CA13: variants seen among roughly 807,000 people sequenced by gnomAD.
The protein encoded by CA13 is CA-XIII.
A neutral mutation model predicts 31.5 loss-of-function variants in CA13; 21 were observed. That is an observed-to-expected ratio of 0.67 (90% CI 0.47 to 0.96). CA13 has a LOEUF of 0.96. CA13 is among the 40% of genes least tolerant of loss of function. The pLI is 0.00. For synonymous variants in CA13, 117 were observed against 111.4 expected (o/e 1.05, Z -0.32); for missense variants, 315 against 318.9 (o/e 0.99, Z 0.09).
chr8:85,277,552 G>A (rs1022852641), intron 6 of CA13, among the ~76,000 whole-genome samples: 1 of 152,118 alleles, frequency 6.6e-6, no homozygotes, highest in African/African-American at 2.4e-5. Context: ...CACCAATTCC[G>A]GACACAATAA....
intron 1 of CA13, chr8:85,246,228 G>C: frequency 2.1e-6 from 1 of 469,288 alleles, no homozygotes; most frequent in Non-Finnish European, 4.1e-6. Flanking sequence ...ACACACTTCA[G>C]TGAAATAAGG....
chr8:85,254,788 TG>T (rs530162776), intron 2 of CA13, among the ~76,000 whole-genome samples: 1,230 of 108,356 alleles, frequency 0.011, 15 homozygotes, highest in African/African-American at 0.039. Context: ...TTTTTTTTTT[TG>T]GTTTTGTTTT....
intron 2 of CA13, among the ~76,000 whole-genome samples, chr8:85,251,646 A>C (rs1288508801): frequency 4.6e-5 from 7 of 152,196 alleles, no homozygotes; most frequent in Admixed American, 3.3e-4. Flanking sequence ...GCTTTAATAG[A>C]AAAAGTTTAG....
intron 6 of CA13, among the ~76,000 whole-genome samples, chr8:85,277,934 CTTGG>C (rs1459973703): frequency 1.3e-5 from 2 of 152,096 alleles, no homozygotes; most frequent in Non-Finnish European, 2.9e-5. Flanking sequence ...GGCCTTGCAC[CTTGG>C]GACTGGGCCT....
intron 3 of CA13, among the ~76,000 whole-genome samples, chr8:85,263,249 G>A (rs983501841): frequency 9.2e-5 from 14 of 152,190 alleles, no homozygotes; most frequent in Non-Finnish European, 1.3e-4. Flanking sequence ...GAGGCAGGCA[G>A]GGACCATGCC....
intron 1 of CA13, chr8:85,246,642 A>C: frequency 8.0e-6 from 3 of 376,654 alleles, no homozygotes; most frequent in South Asian, 6.0e-5. Flanking sequence ...CACATTATCA[A>C]AAGTAAAACA....
At chr8:85,269,564 C>T (rs147635034) in intron 6 of CA13, among the ~76,000 whole-genome samples, 2 of 152,262 alleles carry the variant, frequency 1.3e-5, no homozygotes, top group African/African-American at 4.8e-5. Flanking sequence ...GATCTTTTGG[C>T]ATTTGTTGAC....
At chr8:85,261,775 CA>C (rs1278157941) in intron 3 of CA13, among the ~76,000 whole-genome samples, 1 of 152,092 alleles carries the variant, frequency 6.6e-6, no homozygotes, top group Non-Finnish European at 1.5e-5. Flanking sequence ...GAGAATCTAA[CA>C]AAGAAACTAT....
chr8:85,246,511 C>T (rs146012908), intron 1 of CA13: 1 of 456,048 alleles, frequency 2.2e-6, no homozygotes, highest in Non-Finnish European at 4.4e-6. Context: ...TACTTCTCCA[C>T]TCTTCTTCTC....
chr8:85,254,333 T>G (rs1280325611), intron 2 of CA13, among the ~76,000 whole-genome samples: 8 of 152,062 alleles, frequency 5.3e-5, no homozygotes, highest in Admixed American at 5.2e-4. Context: ...GAAATGATTA[T>G]ATTTTACTTC....
In CA13 at chr8:85,253,424, C is replaced by T. The variant is rs112163511; in HGVS notation, c.235+2487C>T. ...GGACCACAGGCATGTGCTCCCATGC[C>T]CAGCTAATTTTTGTATTTTTCATAG... On this transcript the variant is annotated intron_variant, in intron 2 of 6. Transcript: ENST00000321764. 4.8e-3 allele frequency among the ~76,000 whole-genome samples: 728 copies of T among 151,886 alleles called. 4 individuals carry two copies. Among genetic ancestry groups the T allele is most frequent in the African/African-American group, 0.016 (682 of 41,374 alleles).
In CA13 at chr8:85,245,861, C is replaced by A; in HGVS notation, c.33C>A (p.His11Gln). Residue 11 changes from histidine (H) to glutamine (Q), a missense_variant, in exon 1 of 7, where the codon CAC (histidine) becomes CAA (glutamine). His to Gln is a conservative substitution (Grantham distance 24). Transcript: ENST00000321764. Reference sequence around the variant, plus strand: ...GGCTCAGCTGGGGATACCGCGAGCACAACGGTGAGCGCCTTTTCCTGATCC... The same window carrying A: ...GGCTCAGCTGGGGATACCGCGAGCAAAACGGTGAGCGCCTTTTCCTGATCC... MSRLSWGYRE[H>Q]NGPIHWKEFF... 1.9e-6 allele frequency: 3 copies of A among 1,614,186 alleles called. No homozygotes were observed. Among genetic ancestry groups the A allele is most frequent in the Non-Finnish European group, 2.5e-6 (3 of 1,180,030 alleles).
intron 2 of CA13, among the ~76,000 whole-genome samples, chr8:85,251,229 C>T (rs957362546): frequency 6.6e-6 from 1 of 152,196 alleles, no homozygotes; most frequent in South Asian, 2.1e-4. Context: ...GTCTTGATCT[C>T]CTGACCTCGT....
chr8:85,268,381 A>G, intron 5 of CA13, 91 bp from the exon 6 acceptor site: 1 of 1,089,356 alleles, frequency 9.2e-7, no homozygotes, highest in South Asian at 1.5e-5. Context: ...TTGTTTATGG[A>G]ATTATAATGG....
At chr8:85,279,596 C>T (rs1807667319) in intron 6 of CA13, among the ~76,000 whole-genome samples, 1 of 152,162 alleles carries the variant, frequency 6.6e-6, no homozygotes, top group African/African-American at 2.4e-5. Context: ...GATCAAGTTC[C>T]AGAGGGGTTG....
At chr8:85,268,720 G>A (rs118046598) in intron 6 of CA13, 93 bp downstream of exon 6, 11,713 of 1,067,884 alleles carry the variant, frequency 0.011, 154 homozygotes, top group East Asian at 0.044. Flanking sequence ...TTTCTACTGT[G>A]TTTTGAAGTC....
At chr8:85,272,302 C>G (rs887571414) in intron 6 of CA13, among the ~76,000 whole-genome samples, 1 of 152,086 alleles carries the variant, frequency 6.6e-6, no homozygotes, top group African/African-American at 2.4e-5. Flanking sequence ...GTTGCCCAGG[C>G]TGGAGTGGAG....
intron 2 of CA13, among the ~76,000 whole-genome samples, chr8:85,258,059 C>CCTTG (rs1337463328): frequency 6.7e-6 from 1 of 149,138 alleles, no homozygotes; most frequent in East Asian, 2.0e-4. Context: ...TAAGATGGGG[C>CCTTG]CTTGCTATGT....
chr8:85,258,749 C>A (rs1221321220), intron 2 of CA13, among the ~76,000 whole-genome samples: 1 of 102,182 alleles, frequency 9.8e-6, no homozygotes, highest in East Asian at 2.7e-4. Flanking sequence ...ATAGTGAGGC[C>A]CTGTCTCTAC....
Sources: allele counts gnomAD v4.1 joint callset (sites outside exome capture counted in the v4.1 genomes callset), GRCh38; gene constraint gnomAD v4.1.1; transcripts MANE v1.5; gene names NCBI Gene and HGNC (gene_info 2026-07-23, HGNC 2026-07-21).